The following NALF1 variants were observed in gnomAD, a reference collection of about 807,000 sequenced individuals.
The protein encoded by NALF1 is family with sequence similarity 155 member A.
A neutral mutation model predicts 48.4 loss-of-function variants in NALF1; 3 were observed. The observed-to-expected ratio is 0.06, with a 90% CI of 0.03 to 0.16. The LOEUF (loss-of-function observed/expected upper bound fraction) is 0.16, where lower values mean the gene tolerates loss of function less well. Among genes scored for constraint, NALF1 ranks in the 10% least tolerant of loss-of-function variants. The probability of loss-of-function intolerance (pLI) is 1.00; values close to 1 mark genes in which losing one functional copy is unlikely to be tolerated. For missense variants in NALF1, 526 were observed against 571.5 expected (o/e 0.92, Z 0.81); for synonymous variants, 262 against 245.7 (o/e 1.07, Z -0.62).
At chr13:107,504,570 C>CT (rs1875636498) in intron 1 of NALF1, among the ~76,000 whole-genome samples, 1 of 152,072 alleles carries the variant, frequency 6.6e-6, no homozygotes, top group African/African-American at 2.4e-5. Flanking sequence ...AACTCAATTC[C>CT]TTTATTCGTT....
rs1037053279 is a variant in NALF1, at chr13:107,629,833, T to G, written c.915+235849A>C. ...GAATGAACTATTATATGTATGTGTA[T>G]GTATTCATTTCCATCTTATTTTCTT... On this transcript the variant is annotated intron_variant, in intron 1 of 2. Transcript: ENST00000375915. Among the ~76,000 whole-genome samples the G allele has an allele frequency of 2.6e-5, 4 of 152,320 alleles. No homozygotes were observed. The East Asian group carries it at 7.7e-4, about 29-fold the overall frequency.
intron 1 of NALF1, among the ~76,000 whole-genome samples, chr13:107,416,784 C>A (rs1884096445): frequency 6.6e-6 from 1 of 152,192 alleles, no homozygotes; most frequent in African/African-American, 2.4e-5. Context: ...ATCCTCCTCC[C>A]AAATATGTGT....
At position 107,819,404 on chromosome 13, in the gene NALF1, G is replaced by A. The variant is rs568055218; in HGVS notation, c.915+46278C>T. 8.5e-5 allele frequency among the ~76,000 whole-genome samples: 13 copies of A among 152,268 alleles called. No homozygotes were observed. In the South Asian group the frequency reaches 2.5e-3, roughly 29 times the overall value. Reference sequence around the variant, plus strand: ...TGCCTCAGCAGCATTTCTGGCAACTGTGTCATCTTTTTTCCAAACTTAGGG... The same window carrying A: ...TGCCTCAGCAGCATTTCTGGCAACTATGTCATCTTTTTTCCAAACTTAGGG... On this transcript the variant is annotated intron_variant, in intron 1 of 2. Coordinates refer to ENST00000375915, the MANE Select transcript of NALF1 (RefSeq NM_001080396.3).
chr13:107,215,122 C>T (rs530374053), intron 1 of NALF1, among the ~76,000 whole-genome samples: 4 of 152,274 alleles, frequency 2.6e-5, no homozygotes, highest in Non-Finnish European at 4.4e-5. Flanking sequence ...CCTCTGTTAA[C>T]GTCGGAAGTG....
At chr13:107,451,777 C>T (rs930909907) in intron 1 of NALF1, among the ~76,000 whole-genome samples, 1 of 152,114 alleles carries the variant, frequency 6.6e-6, no homozygotes, top group Admixed American at 6.6e-5. Flanking sequence ...CTTTGTCTAT[C>T]CCTCCTCTCT....
chr13:107,465,535 C>T (rs1884988603), intron 1 of NALF1, among the ~76,000 whole-genome samples: 1 of 152,108 alleles, frequency 6.6e-6, no homozygotes, highest in Non-Finnish European at 1.5e-5. Context: ...TATCAGACTG[C>T]TGTCTTCACT....
At chr13:107,503,358 A>T (rs551075391) in intron 1 of NALF1, among the ~76,000 whole-genome samples, 1 of 152,334 alleles carries the variant, frequency 6.6e-6, no homozygotes, top group Admixed American at 6.5e-5. Flanking sequence ...GGCACTCAAC[A>T]TCACTAATCA....
At chr13:107,591,228 T>C (rs1251149000) in intron 1 of NALF1, among the ~76,000 whole-genome samples, 1 of 151,962 alleles carries the variant, frequency 6.6e-6, no homozygotes, top group Non-Finnish European at 1.5e-5. Flanking sequence ...AGATCGAGTA[T>C]GGATGGAAAT....
chr13:107,635,178 C>T (rs989840021), intron 1 of NALF1, among the ~76,000 whole-genome samples: 1 of 152,030 alleles, frequency 6.6e-6, no homozygotes, highest in African/African-American at 2.4e-5. Context: ...TTGATATTTA[C>T]TATATTAGTT....
chr13:107,418,102 A>G (rs1369344553), intron 1 of NALF1, among the ~76,000 whole-genome samples: 2 of 152,176 alleles, frequency 1.3e-5, no homozygotes, highest in African/African-American at 4.8e-5. Context: ...GGGCTTAAAT[A>G]GAAGACATTT....
chr13:107,246,087 T>C (rs373365894), intron 1 of NALF1, among the ~76,000 whole-genome samples: 11 of 152,198 alleles, frequency 7.2e-5, no homozygotes, highest in African/African-American at 1.9e-4. Context: ...CACAATGAGG[T>C]TCCTGAAACC....
intron 1 of NALF1, among the ~76,000 whole-genome samples, chr13:107,311,298 T>G (rs1326407802): frequency 6.6e-6 from 1 of 152,182 alleles, no homozygotes; most frequent in East Asian, 1.9e-4. Flanking sequence ...TATTTACCAT[T>G]AAGTTTAAAC....
chr13:107,533,214 C>G (rs1876696441), intron 1 of NALF1, among the ~76,000 whole-genome samples: 3 of 152,142 alleles, frequency 2.0e-5, no homozygotes, highest in South Asian at 4.1e-4. Context: ...CTGTTAGAAA[C>G]ATTTATAGAA....
chr13:107,634,852 C>T (rs1321671434), intron 1 of NALF1, among the ~76,000 whole-genome samples: 2 of 151,990 alleles, frequency 1.3e-5, no homozygotes, highest in African/African-American at 2.4e-5. Flanking sequence ...AAATGGTCTA[C>T]AATGGGAACT....
At position 107,241,655 on chromosome 13, in the gene NALF1, G is replaced by T. The variant is rs369347820; in HGVS notation, c.916-30900C>A. On this transcript the variant is annotated intron_variant, in intron 1 of 2. Transcript: ENST00000375915. The stretch of plus-strand genomic sequence containing the variant: ...CAAAGCCCTTACAGCAGTGTCTGGC[G>T]TACACTGGGTGTCTGTACTGCAGTT... 3.5e-4 allele frequency among the ~76,000 whole-genome samples: 54 copies of T among 152,286 alleles called. 1 individual carries two copies. Among genetic ancestry groups the T allele is most frequent in the African/African-American group, 1.3e-3 (53 of 41,564 alleles).
intron 2 of NALF1, among the ~76,000 whole-genome samples, chr13:107,201,672 T>C (rs1241204894): frequency 6.6e-6 from 1 of 152,244 alleles, no homozygotes; most frequent in East Asian, 1.9e-4. Flanking sequence ...ATTATTTCCC[T>C]TGTGATTGAA....
At chr13:107,405,663 C>T (rs1883886316) in intron 1 of NALF1, among the ~76,000 whole-genome samples, 1 of 151,954 alleles carries the variant, frequency 6.6e-6, no homozygotes, top group Admixed American at 6.6e-5. Context: ...TCAAATTCTT[C>T]CAAATAGGTC....
intron 1 of NALF1, among the ~76,000 whole-genome samples, chr13:107,712,270 C>T (rs941162056): frequency 5.9e-5 from 9 of 152,148 alleles, no homozygotes; most frequent in Admixed American, 5.2e-4. Context: ...CTATATTCTT[C>T]CTTTTTCTGC....
At chr13:107,659,150 C>T (rs1880664445) in intron 1 of NALF1, among the ~76,000 whole-genome samples, 2 of 151,982 alleles carry the variant, frequency 1.3e-5, no homozygotes, top group Non-Finnish European at 2.9e-5. Flanking sequence ...CACACGCACT[C>T]AAACTTGTCT....
Sources: allele counts gnomAD v4.1 joint callset (sites outside exome capture counted in the v4.1 genomes callset), GRCh38; gene constraint gnomAD v4.1.1; transcripts MANE v1.5; gene names NCBI Gene and HGNC (gene_info 2026-07-23, HGNC 2026-07-21).